FGF12: variants seen among roughly 807,000 people sequenced by gnomAD.
The protein encoded by FGF12 is fibroblast growth factor 12B.
FGF12 carries 14 observed loss-of-function variants against 23.6 expected under a neutral mutation model. The observed-to-expected ratio is 0.59, with a 90% CI of 0.39 to 0.93. FGF12 has a LOEUF of 0.93. FGF12 is among the 40% of genes least tolerant of loss of function. The pLI is 0.00. For synonymous variants in FGF12, 62 were observed against 77.3 expected (o/e 0.80, Z 1.04); for missense variants, 175 against 217.8 (o/e 0.80, Z 1.24).
At chr3:192,727,440 T>C in intron 1 of FGF12, 44 bp downstream of exon 1, 1 of 1,059,636 alleles carries the variant, frequency 9.4e-7, no homozygotes, top group Non-Finnish European at 1.3e-6. Flanking sequence ...GATACTGAAA[T>C]GCATGCACAG....
At chr3:192,618,751 G>T (rs1714859059) in intron 2 of FGF12, among the ~76,000 whole-genome samples, 1 of 149,996 alleles carries the variant, frequency 6.7e-6, no homozygotes, top group South Asian at 2.1e-4. Flanking sequence ...ATAGATCAAA[G>T]TTCGACTATC....
At chr3:192,206,488 T>C (rs1349807560) in intron 4 of FGF12, among the ~76,000 whole-genome samples, 2 of 152,128 alleles carry the variant, frequency 1.3e-5, no homozygotes, top group Non-Finnish European at 2.9e-5. Context: ...GCGTAATAGG[T>C]TCATATTTAT....
intron 2 of FGF12, among the ~76,000 whole-genome samples, chr3:192,668,554 T>C (rs973838002): frequency 1.3e-5 from 2 of 152,138 alleles, no homozygotes; most frequent in South Asian, 2.1e-4. Context: ...AAATTCGGCT[T>C]CTGCTGGTTT....
At chr3:192,418,733 T>G (rs1346215549) in intron 2 of FGF12, among the ~76,000 whole-genome samples, 3 of 152,136 alleles carry the variant, frequency 2.0e-5, no homozygotes, top group Admixed American at 6.6e-5. Context: ...CTCACTCTCT[T>G]GCTCTTGCTC....
Position 192,536,106 on chromosome 3 carries a change from G to A in FGF12, c.14-175568C>T, listed in dbSNP as rs1725216602. 2.6e-5 allele frequency among the ~76,000 whole-genome samples: 4 copies of A among 151,904 alleles called. No homozygotes were observed. The South Asian group carries it at 8.3e-4, about 32-fold the overall frequency. On this transcript the variant is annotated intron_variant, in intron 2 of 5. Coordinates refer to ENST00000445105, the MANE Select transcript of FGF12 (RefSeq NM_004113.6). ...ACACGGCTATTTCACCACGCTCAAC[G>A]GTCTAGAACTACAACCCACACACCA... is the stretch of plus-strand genomic sequence containing the variant.
At chr3:192,555,336 T>C (rs1410945239) in intron 2 of FGF12, among the ~76,000 whole-genome samples, 1 of 152,036 alleles carries the variant, frequency 6.6e-6, no homozygotes, top group Non-Finnish European at 1.5e-5. Context: ...AATAAGACTA[T>C]CAGTTTAAAG....
intron 2 of FGF12, among the ~76,000 whole-genome samples, chr3:192,495,738 C>T (rs1488869624): frequency 6.6e-6 from 1 of 152,132 alleles, no homozygotes; most frequent in Non-Finnish European, 1.5e-5. Flanking sequence ...GTAATTATGG[C>T]TCACTGAAGC....
chr3:192,446,297 T>G (rs1391150245), intron 2 of FGF12, among the ~76,000 whole-genome samples: 1 of 152,212 alleles, frequency 6.6e-6, no homozygotes, highest in Non-Finnish European at 1.5e-5. Flanking sequence ...TAGATTGGTA[T>G]TCTCTCAACA....
At chr3:192,677,445 A>G (rs1717367029) in intron 2 of FGF12, among the ~76,000 whole-genome samples, 1 of 152,220 alleles carries the variant, frequency 6.6e-6, no homozygotes, top group African/African-American at 2.4e-5. Context: ...AGAGCGTTTT[A>G]TACATACACA....
At chr3:192,513,418 A>G (rs944768509) in intron 2 of FGF12, among the ~76,000 whole-genome samples, 7 of 152,150 alleles carry the variant, frequency 4.6e-5, no homozygotes, top group African/African-American at 1.4e-4. Flanking sequence ...AATTTCATAA[A>G]TCAGTTCTTT....
intron 4 of FGF12, among the ~76,000 whole-genome samples, chr3:192,275,598 T>G (rs545863230): frequency 1.2e-4 from 19 of 152,190 alleles, no homozygotes; most frequent in Non-Finnish European, 4.4e-5. Context: ...TGGTGTTTTC[T>G]AAGTGGGAAC....
chr3:192,690,845 G>T (rs1023783406), intron 2 of FGF12, among the ~76,000 whole-genome samples: 4 of 151,874 alleles, frequency 2.6e-5, no homozygotes, highest in African/African-American at 9.7e-5. Context: ...ACAGACTGAA[G>T]ATATTTAGTG....
rs199623896 is a variant in FGF12 at position 192,618,042 on chromosome 3, CA to C, written c.13+109138del. ...GCAAAGAAGAATTGAGGTTGACTAA[CA>C]AAGGAATGCGTTAACTTGGAAGATA... On this transcript the variant is annotated intron_variant, in intron 2 of 5. Transcript: ENST00000445105. Among the ~76,000 whole-genome samples, 1,265 of 152,074 alleles carry C rather than the reference CA, an allele frequency of 8.3e-3. 19 individuals are homozygous for C. The highest frequency in any genetic ancestry group is 0.028 in the African/African-American group (1,174 of 41,496).
chr3:192,611,548 C>T (rs931181110), intron 2 of FGF12, among the ~76,000 whole-genome samples: 5 of 151,948 alleles, frequency 3.3e-5, no homozygotes, highest in Non-Finnish European at 7.4e-5. Context: ...AGAAAAAGTG[C>T]ACCGTCAGGC....
chr3:192,631,904 G>A (rs2108656987), intron 2 of FGF12, among the ~76,000 whole-genome samples: 1 of 152,290 alleles, frequency 6.6e-6, no homozygotes, highest in South Asian at 2.1e-4. Context: ...AATGAGTAGA[G>A]CCCTAAACTC....
chr3:192,628,841 A>G (rs1430914891), intron 2 of FGF12, among the ~76,000 whole-genome samples: 1 of 151,852 alleles, frequency 6.6e-6, no homozygotes, highest in Non-Finnish European at 1.5e-5. Flanking sequence ...ACACACACAC[A>G]CATACACAAT....
At chr3:192,469,480 G>A (rs541811211) in intron 2 of FGF12, among the ~76,000 whole-genome samples, 1 of 152,280 alleles carries the variant, frequency 6.6e-6, no homozygotes, top group East Asian at 1.9e-4. Flanking sequence ...TTTCTCAAAA[G>A]ATGAGAAACC....
intron 2 of FGF12, among the ~76,000 whole-genome samples, chr3:192,378,026 TTTTCTTTCTTTCTTTCTTTCTTTCTTTC>T (rs202170804): frequency 0.011 from 783 of 69,420 alleles, 70 homozygotes; most frequent in African/African-American, 0.043. Context: ...TGACTCTTTC[TTTTCTTTCTTTCTTTCTTTCTTTCTTTC>T]TTTCTTTCTT....
chr3:192,425,697 C>T lies in FGF12; in HGVS notation c.14-65159G>A, dbSNP rs545569454. Among the ~76,000 whole-genome samples the T allele has an allele frequency of 2.6e-5, 4 of 152,184 alleles. No homozygotes were observed. In the East Asian group the frequency reaches 7.7e-4, roughly 29 times the overall value. On this transcript the variant is annotated intron_variant, in intron 2 of 5. Coordinates refer to ENST00000445105, the MANE Select transcript of FGF12 (RefSeq NM_004113.6). ...AATCACTAGCGAATAGAATGCATTG[C>T]TGTGGAATTTGTGCCTCATCCTAAA...
Sources: allele counts gnomAD v4.1 joint callset (sites outside exome capture counted in the v4.1 genomes callset), GRCh38; gene constraint gnomAD v4.1.1; transcripts MANE v1.5; gene names NCBI Gene and HGNC (gene_info 2026-07-23, HGNC 2026-07-21).